The following SIPA1L2 variants were observed in gnomAD, a reference collection of about 807,000 sequenced individuals.
SIPA1L2 encodes the protein signal induced proliferation associated 1 like 2.
In SIPA1L2, 56 loss-of-function variants were observed where a neutral mutation model predicts 163.9. That is an observed-to-expected ratio of 0.34 (90% CI 0.28 to 0.43). The LOEUF is 0.43. SIPA1L2 is among the 20% of genes least tolerant of loss of function. The probability of loss-of-function intolerance (pLI) is 1.00; values close to 1 mark genes in which losing one functional copy is unlikely to be tolerated. For synonymous variants in SIPA1L2, 877 were observed against 865.7 expected, an observed-to-expected ratio of 1.01 and a Z score of -0.23; for missense variants, 1,974 against 2,193.5, an observed-to-expected ratio of 0.90 and a Z score of 2.00.
At chr1:232,500,746 T>C in intron 3 of SIPA1L2, among the ~76,000 whole-genome samples, 1 of 152,216 alleles carries the variant, frequency 6.6e-6, no homozygotes, top group Non-Finnish European at 1.5e-5. Flanking sequence ...ACAAAGAATT[T>C]AGAATATTGC....
At chr1:232,499,116 A>G (rs1666341500) in intron 3 of SIPA1L2, among the ~76,000 whole-genome samples, 2 of 152,212 alleles carry the variant, frequency 1.3e-5, no homozygotes, top group African/African-American at 4.8e-5. Context: ...TTCCCTGGAG[A>G]CACAGTAACA....
At chr1:232,432,606 G>A in intron 15 of SIPA1L2, 135 bp from the exon 16 acceptor site, 1 of 735,466 alleles carries the variant, frequency 1.4e-6, no homozygotes, top group Middle Eastern at 2.8e-4. Context: ...GGCAGATGGA[G>A]CCTTCTTTCT....
chr1:232,544,620 C>T (rs1657917296), intron 2 of SIPA1L2, among the ~76,000 whole-genome samples: 2 of 151,824 alleles, frequency 1.3e-5, no homozygotes, highest in African/African-American at 4.8e-5. Flanking sequence ...AGAGCATCTG[C>T]TCTAACATAT....
chr1:232,458,383 T>A (rs889336578), intron 10 of SIPA1L2, among the ~76,000 whole-genome samples: 159 of 152,372 alleles, frequency 1.0e-3, no homozygotes, highest in African/African-American at 3.5e-3. Context: ...AAATTGTAGT[T>A]TTTGTTTGTT....
chr1:232,575,050 AT>A (rs1313920977), intron 1 of SIPA1L2, among the ~76,000 whole-genome samples: 54 of 152,312 alleles, frequency 3.5e-4, no homozygotes, highest in Middle Eastern at 6.8e-3. Context: ...TCAACACATC[AT>A]TTTTTAAAAT....
intron 3 of SIPA1L2, among the ~76,000 whole-genome samples, chr1:232,499,982 CTT>C (rs34385314): frequency 6.1e-5 from 9 of 148,372 alleles, no homozygotes; most frequent in Non-Finnish European, 7.5e-5. Context: ...GGTTTACTGA[CTT>C]TTTTTTTTTT....
intron 17 of SIPA1L2, among the ~76,000 whole-genome samples, chr1:232,426,787 G>A (rs1661932102): frequency 1.3e-5 from 2 of 152,156 alleles, no homozygotes. Context: ...GATAGGGTAA[G>A]GAAAATTCTT....
chr1:232,435,076 T>C (rs1487414295), intron 15 of SIPA1L2, among the ~76,000 whole-genome samples: 2 of 152,192 alleles, frequency 1.3e-5, no homozygotes, highest in Non-Finnish European at 2.9e-5. Context: ...GTGTGTCTCA[T>C]GTATTTTAAA....
chr1:232,470,946 A>G (rs1160559493), intron 8 of SIPA1L2, among the ~76,000 whole-genome samples: 1 of 152,216 alleles, frequency 6.6e-6, no homozygotes, highest in Non-Finnish European at 1.5e-5. Context: ...ATTCCAAGGC[A>G]CGCATGTGGC....
chr1:232,492,340 CTTTTCTT>C (rs1441360867), intron 4 of SIPA1L2, among the ~76,000 whole-genome samples: 1 of 152,026 alleles, frequency 6.6e-6, no homozygotes, highest in African/African-American at 2.4e-5. Context: ...AGATCTAATT[CTTTTCTT>C]TTTTAAGAGA....
intron 2 of SIPA1L2, among the ~76,000 whole-genome samples, chr1:232,524,227 A>G (rs1667587473): frequency 6.6e-6 from 1 of 152,226 alleles, no homozygotes. Flanking sequence ...GAGCTTCCTA[A>G]TCTTCAGGAA....
At chr1:232,563,817 C>T (rs190238009) in intron 2 of SIPA1L2, among the ~76,000 whole-genome samples, 12 of 150,926 alleles carry the variant, frequency 8.0e-5, no homozygotes, top group Middle Eastern at 3.5e-3. Flanking sequence ...CGGGTTCAAG[C>T]GATTCTCCTG....
chr1:232,431,282 A>G (rs1179191914), intron 16 of SIPA1L2, among the ~76,000 whole-genome samples: 1 of 152,222 alleles, frequency 6.6e-6, no homozygotes, highest in Admixed American at 6.5e-5. Flanking sequence ...TCACTATGAA[A>G]TTCCTTCCTA....
chr1:232,501,664 G>T (rs1337601643), intron 3 of SIPA1L2, among the ~76,000 whole-genome samples: 1 of 152,198 alleles, frequency 6.6e-6, no homozygotes, highest in Non-Finnish European at 1.5e-5. Flanking sequence ...CCACCTGAGA[G>T]AGGGGCAAAT....
At chr1:232,417,115 C>A (rs938791831) in intron 18 of SIPA1L2, among the ~76,000 whole-genome samples, 29 of 152,162 alleles carry the variant, frequency 1.9e-4, no homozygotes, top group Non-Finnish European at 1.5e-5. Flanking sequence ...GCATAATTAA[C>A]CAAATGCACC....
intron 2 of SIPA1L2, among the ~76,000 whole-genome samples, chr1:232,564,123 C>T (rs1294854587): frequency 1.1e-5 from 1 of 89,352 alleles, no homozygotes; most frequent in African/African-American, 6.9e-5. Context: ...CCAGACTGAA[C>T]GACGAAGGTT....
intron 2 of SIPA1L2, among the ~76,000 whole-genome samples, chr1:232,539,807 C>T (rs1191451887): frequency 2.6e-5 from 4 of 152,168 alleles, no homozygotes; most frequent in African/African-American, 9.7e-5. Flanking sequence ...CCCCCAGTGA[C>T]CTGTCAATCT....
intron 18 of SIPA1L2, among the ~76,000 whole-genome samples, chr1:232,424,593 C>T (rs1300308036): frequency 6.6e-6 from 1 of 152,084 alleles, no homozygotes; most frequent in Non-Finnish European, 1.5e-5. Context: ...TGACCTTTCA[C>T]ATGGTTGTCA....
intron 3 of SIPA1L2, among the ~76,000 whole-genome samples, chr1:232,513,328 T>C (rs1667067402): frequency 1.3e-5 from 2 of 152,372 alleles, no homozygotes; most frequent in Non-Finnish European, 1.5e-5. Context: ...AGCCCATCTA[T>C]AGAACTACAT....
Sources: allele counts gnomAD v4.1 joint callset (sites outside exome capture counted in the v4.1 genomes callset), GRCh38; gene constraint gnomAD v4.1.1; transcripts MANE v1.5; gene names NCBI Gene and HGNC (gene_info 2026-07-23, HGNC 2026-07-21).